KNDC1: variants seen among roughly 807,000 people sequenced by gnomAD.
The protein encoded by KNDC1 is kinase non-catalytic C-lobe domain-containing protein 1.
A neutral mutation model predicts 172.8 loss-of-function variants in KNDC1; 106 were observed. The ratio of observed to expected loss-of-function variants is 0.61; its 90% CI spans 0.52 to 0.72. KNDC1 has a LOEUF of 0.72. Among genes scored for constraint, KNDC1 ranks in the 30% least tolerant of loss-of-function variants. The pLI is 0.00. For missense variants in KNDC1, 2,325 were observed against 2,394.5 expected, an observed-to-expected ratio of 0.97 and a Z score of 0.61; for synonymous variants, 1,083 against 1,062.2, an observed-to-expected ratio of 1.02 and a Z score of -0.38.
chr10:133,200,502 G>C, intron 16 of KNDC1, 42 bp downstream of exon 16: 1 of 1,420,358 alleles, frequency 7.0e-7, no homozygotes, highest in Non-Finnish European at 9.3e-7. Context: ...TCTGCTGGGC[G>C]GCTCCTCTGT....
intron 29 of KNDC1, among the ~76,000 whole-genome samples, chr10:133,222,107 C>G (rs1298555670): frequency 6.7e-6 from 1 of 149,964 alleles, no homozygotes; most frequent in Non-Finnish European, 1.5e-5. Flanking sequence ...CATGGTGAAA[C>G]CCCATCTCTA....
Position 133,207,310 on chromosome 10 carries a change from G to A in KNDC1, c.3753G>A (p.Gln1251=). Residue 1251 remains glutamine (Q), a synonymous_variant, in exon 20 of 30, where the codon CAG becomes CAA. Transcript: ENST00000304613. ...GCCGGCAGAAGGCCCGCATCCTGCA[G>A]GCCGGCACGCCGCTGGGGCTCATGG... ...PGGRQKARIL[Q]AGTPLGLMAY... The A allele has an allele frequency of 1.2e-6, 2 of 1,612,886 alleles. No homozygotes were observed. Among genetic ancestry groups the A allele is most frequent in the Non-Finnish European group, 1.7e-6 (2 of 1,179,938 alleles).
intron 3 of KNDC1, among the ~76,000 whole-genome samples, chr10:133,180,711 C>T (rs937199424): frequency 3.3e-5 from 5 of 152,238 alleles, no homozygotes; most frequent in Admixed American, 1.3e-4. Context: ...ACACAGCAAG[C>T]GTGTGTGCGG....
At chr10:133,166,215 GGGGGCCAGCGATGGGGGAGAA>G (rs909484398) in intron 1 of KNDC1, among the ~76,000 whole-genome samples, 21 of 152,288 alleles carry the variant, frequency 1.4e-4, no homozygotes, top group African/African-American at 2.4e-4. Context: ...CTGGGGGAGG[GGGGGCCAGCGATGGGGGAGAA>G]GGGGCCTCTG....
At chr10:133,216,951 C>CCACGTA (rs1239380965) in intron 26 of KNDC1, among the ~76,000 whole-genome samples, 1 of 152,262 alleles carries the variant, frequency 6.6e-6, no homozygotes, top group Non-Finnish European at 1.5e-5. Flanking sequence ...GTGGACGGCT[C>CCACGTA]CACGTACACG....
chr10:133,212,297 G>A (rs537835146), intron 23 of KNDC1, among the ~76,000 whole-genome samples: 16 of 150,708 alleles, frequency 1.1e-4, no homozygotes, highest in Non-Finnish European at 2.4e-4. Context: ...ACACACGCAT[G>A]CACCCTCACA....
rs1845677677 is a variant in KNDC1 at position 133,224,383 on chromosome 10, C to T, written c.5019-276C>T. ...CCCCTGCGGCAGACTGGGCTTGACTCTTCTTGGGACGCTCAGCAGGGACGA... is the reference window on the plus strand; with the variant it reads ...CCCCTGCGGCAGACTGGGCTTGACTTTTCTTGGGACGCTCAGCAGGGACGA... On this transcript the variant is annotated intron_variant, in intron 29 of 29. Transcript: ENST00000304613. The surrounding 1 kb of genome is among the most constrained non-coding windows in gnomAD (Gnocchi z 5.4). Among the ~76,000 whole-genome samples, 1 of 152,256 alleles carries T rather than the reference C, an allele frequency of 6.6e-6. No individual in the cohort carries two copies. The highest frequency in any genetic ancestry group is 1.5e-5 in the Non-Finnish European group (1 of 68,030).
intron 1 of KNDC1, among the ~76,000 whole-genome samples, chr10:133,166,864 A>T (rs1564871569): frequency 1.3e-5 from 2 of 152,066 alleles, no homozygotes; most frequent in Non-Finnish European, 2.9e-5. Context: ...AGCCACATGG[A>T]GGGAACCGCC....
At chr10:133,187,586 G>A (rs2135981081) in intron 6 of KNDC1, among the ~76,000 whole-genome samples, 1 of 152,142 alleles carries the variant, frequency 6.6e-6, no homozygotes, top group East Asian at 1.9e-4. Context: ...CACTCTCCCT[G>A]GCGGCACGCC....
rs1303845206 is a variant in KNDC1 at position 133,224,026 on chromosome 10, C to CGTGTGT, written c.5019-625_5019-620dup. Reference sequence around the variant, plus strand: ...GCCCATCCAGGCATGCTCTTCCCGGCGTGTGTGTGTGTGAGAGCCCATCCA... The same window carrying CGTGTGT: ...GCCCATCCAGGCATGCTCTTCCCGGCGTGTGTGTGTGTGTGTGTGAGAGCCCATCCA... On this transcript the variant is annotated intron_variant, in intron 29 of 29. Transcript: ENST00000304613. The surrounding 1 kb of genome is among the most constrained non-coding windows in gnomAD (Gnocchi z 5.4). Among the ~76,000 whole-genome samples, 2 of 130,756 alleles carry CGTGTGT rather than the reference C, an allele frequency of 1.5e-5. No homozygotes were observed. The highest frequency in any genetic ancestry group is 7.7e-5 in the Admixed American group (1 of 12,936). 85.8% of individuals were successfully genotyped at this position (130,756 alleles called of 152,430 possible). A position where few individuals can be genotyped will look rare whatever the true frequency, so the allele number is the denominator to read the frequency against.
At position 133,193,101 on chromosome 10, in the gene KNDC1, T is replaced by TG. The variant is rs36088745; in HGVS notation, c.1576-2554dup. Among the ~76,000 whole-genome samples, 394 of 151,850 alleles carry TG rather than the reference T, an allele frequency of 2.6e-3. 1 individual carries two copies. Among genetic ancestry groups the TG allele is most frequent in the African/African-American group, 5.3e-3 (219 of 41,372 alleles). On this transcript the variant is annotated intron_variant, in intron 9 of 29. Transcript: ENST00000304613. ...ACAGCAGCTTACATATATACACATA[T>TG]GGGGGGGGAAAACAGTTCAGATGAT...
rs1032841469 is a variant in KNDC1, at chr10:133,209,875, C to T, written c.3795-736C>T. Among the ~76,000 whole-genome samples the T allele has an allele frequency of 3.3e-5, 5 of 152,060 alleles. No homozygotes were observed. The highest frequency in any genetic ancestry group is 3.9e-4 in the East Asian group (2 of 5,178). On this transcript the variant is annotated intron_variant, in intron 20 of 29. Coordinates refer to ENST00000304613, the MANE Select transcript of KNDC1 (RefSeq NM_152643.8). The surrounding 1 kb of genome is among the most constrained non-coding windows in gnomAD (Gnocchi z 4.9). ...CCTTGCCAGGCCTCCGCTTCCTGAC[C>T]GTGGCCGTCGGGCTCCCAGGACAGT...
Position 133,160,387 on chromosome 10 carries a change from C to G in KNDC1, c.-81C>G. On this transcript the variant is annotated 5_prime_UTR_variant, in exon 1 of 30. Coordinates refer to ENST00000304613, the MANE Select transcript of KNDC1 (RefSeq NM_152643.8). ...GGGCGGGCGAGGGCCGGGCGCGTCT[C>G]CATGGAGCCAGGGCGCGCGTAGCCG... 2 of 746,080 alleles carry G rather than the reference C, an allele frequency of 2.7e-6. No homozygotes were observed. Among genetic ancestry groups the G allele is most frequent in the Non-Finnish European group, 3.6e-6 (2 of 554,556 alleles). The allele number at this position is 746,080 out of a possible 1,614,324, so 46.2% of individuals were successfully genotyped here. A position where few individuals can be genotyped will look rare whatever the true frequency, so the allele number is the denominator to read the frequency against.
Position 133,195,718 on chromosome 10 carries a change from C to T in KNDC1, c.1631C>T (p.Pro544Leu), listed in dbSNP as rs1014772014. 1 of 1,612,602 alleles carries T rather than the reference C, an allele frequency of 6.2e-7. No individual in the cohort carries two copies. Reference sequence around the variant, plus strand: ...TGGACCGCAGCCAAGTTCAGCGTCCCCCGCAACCACAAGCTGGCCCTGCCA... The same window carrying T: ...TGGACCGCAGCCAAGTTCAGCGTCCTCCGCAACCACAAGCTGGCCCTGCCA... ...VLWTAAKFSV[P>L]RNHKLALPRR... The change falls in exon 10 of 30, where the codon CCC becomes CTC. Residue 544 changes from proline to leucine, a missense_variant. Transcript: ENST00000304613.
At position 133,177,695 on chromosome 10, in the gene KNDC1, ATG is replaced by A. The variant is rs372946290; in HGVS notation, c.361-5641_361-5640del. On this transcript the variant is annotated intron_variant, in intron 3 of 29. Coordinates refer to ENST00000304613, the MANE Select transcript of KNDC1 (RefSeq NM_152643.8). ...TGTATATCATGGGCACATGTGTGTA[ATG>A]TGTGTGTCCATGCATGTGGTATGGT... Among the ~76,000 whole-genome samples the A allele has an allele frequency of 2.1e-3, 311 of 151,522 alleles. 1 individual carries two copies. The highest frequency in any genetic ancestry group is 7.1e-3 in the African/African-American group (292 of 41,234).
At chr10:133,202,392 C>T (rs1373536896) in intron 17 of KNDC1, 2 of 434,716 alleles carry the variant, frequency 4.6e-6, no homozygotes, top group African/African-American at 4.1e-5. Context: ...GCAGCTGCAA[C>T]TCCTCCCTGG....
chr10:133,174,537 A>T lies in KNDC1; in HGVS notation c.360+6225A>T, dbSNP rs530759770. On this transcript the variant is annotated intron_variant, in intron 3 of 29. Transcript: ENST00000304613. Reference sequence around the variant, plus strand: ...TTATTTGCTGAGTTATTTTCTAAATAAATGGATTGATGGTTGGAGCATAGA... The same window carrying T: ...TTATTTGCTGAGTTATTTTCTAAATTAATGGATTGATGGTTGGAGCATAGA... Among the ~76,000 whole-genome samples the T allele has an allele frequency of 4.8e-4, 73 of 152,366 alleles. 2 individuals carry two copies. Among genetic ancestry groups the T allele is most frequent in the Admixed American group, 3.3e-4 (5 of 15,306 alleles).
intron 25 of KNDC1, 29 bp downstream of exon 25, chr10:133,213,756 C>T (rs377195238): frequency 7.0e-5 from 112 of 1,601,372 alleles, no homozygotes; most frequent in Admixed American, 2.8e-4. Flanking sequence ...CAGCTGGGAG[C>T]GGTGGTGGAG....
At position 133,224,720 on chromosome 10, in the gene KNDC1, C is replaced by A; in HGVS notation, c.5080C>A (p.Pro1694Thr). The A allele has an allele frequency of 6.2e-7, 1 of 1,614,090 alleles. No individual in the cohort carries two copies. The highest frequency in any genetic ancestry group is 8.5e-7 in the Non-Finnish European group (1 of 1,180,018). ...AFQENPYTFS[P>T]DPKLQSYLKQ... ...CCAGGAGAACCCTTACACCTTCAGCCCCGACCCCAAGCTCCAGTCGTACCT... is the reference window on the plus strand; with the variant it reads ...CCAGGAGAACCCTTACACCTTCAGCACCGACCCCAAGCTCCAGTCGTACCT... The change falls in exon 30 of 30, where the codon CCC (proline) becomes ACC (threonine). Residue 1694 changes from proline (P) to threonine (T), a missense_variant. By Grantham distance (38) the Pro-to-Thr change is conservative. Coordinates refer to ENST00000304613, the MANE Select transcript of KNDC1 (RefSeq NM_152643.8). This position sits in a 1 kb window ranked among gnomAD's most constrained non-coding sequence, Gnocchi z 5.4.
Sources: allele counts gnomAD v4.1 joint callset (sites outside exome capture counted in the v4.1 genomes callset), GRCh38; gene constraint gnomAD v4.1.1; non-coding constraint Gnocchi (gnomAD v3.1); transcripts MANE v1.5; gene names NCBI Gene and HGNC (gene_info 2026-07-23, HGNC 2026-07-21).